Variants in HEMK2 observed in about 807,000 individuals in gnomAD.
HEMK2 encodes the protein methyltransferase HEMK2.
chr21:28,644,885 G>A, the HEMK2 span, among the ~76,000 whole-genome samples: 1 of 152,180 alleles, frequency 6.6e-6, no homozygotes, highest in Non-Finnish European at 1.5e-5. Context: ...TCTGATGAGA[G>A]ATTGGCATTT....
chr21:28,733,139 C>T, the HEMK2 span, among the ~76,000 whole-genome samples: 8 of 152,124 alleles, frequency 5.3e-5, no homozygotes, highest in East Asian at 1.4e-3. Flanking sequence ...ATTAGCCGGG[C>T]GTGGTGGTGG....
chr21:28,693,674 G>A, the HEMK2 span, among the ~76,000 whole-genome samples: 1 of 152,152 alleles, frequency 6.6e-6, no homozygotes, highest in South Asian at 2.1e-4. Context: ...GAACATGCAG[G>A]AAAGCATGCT....
chr21:28,772,562 AATAAGTT>A, the HEMK2 span, among the ~76,000 whole-genome samples: 1 of 152,210 alleles, frequency 6.6e-6, no homozygotes, highest in Non-Finnish European at 1.5e-5. Context: ...AAAAATATGG[AATAAGTT>A]ATAAGTATTG....
At chr21:28,755,303 A>G in the HEMK2 span, among the ~76,000 whole-genome samples, 1 of 152,194 alleles carries the variant, frequency 6.6e-6, no homozygotes. Flanking sequence ...GCAAGGCTTA[A>G]TCCTCATTTG....
chr21:28,617,732 G>T, the HEMK2 span, among the ~76,000 whole-genome samples: 1 of 149,566 alleles, frequency 6.7e-6, no homozygotes, highest in South Asian at 2.1e-4. Flanking sequence ...CCTGGAAACA[G>T]CAAAATAAGA....
chr21:28,678,155 A>G, the HEMK2 span, among the ~76,000 whole-genome samples: 1 of 152,194 alleles, frequency 6.6e-6, no homozygotes, highest in Non-Finnish European at 1.5e-5. Context: ...GAAAAAAATT[A>G]GACAAATGGC....
the HEMK2 span, among the ~76,000 whole-genome samples, chr21:28,639,216 A>G: frequency 6.6e-6 from 1 of 152,246 alleles, no homozygotes; most frequent in Non-Finnish European, 1.5e-5. Context: ...AAGATGAGAA[A>G]GAAGAAATCT....
chr21:28,856,788 C>A, the HEMK2 span, among the ~76,000 whole-genome samples: 1 of 152,214 alleles, frequency 6.6e-6, no homozygotes, highest in Non-Finnish European at 1.5e-5. Flanking sequence ...ATGCAACCTG[C>A]GTATCAGGAG....
the HEMK2 span, among the ~76,000 whole-genome samples, chr21:28,837,256 A>C: frequency 0.011 from 1,650 of 152,324 alleles, 13 homozygotes; most frequent in Non-Finnish European, 0.014. Flanking sequence ...CTATTCAACA[A>C]CACATAGAAC....
chr21:28,585,494 T>C, the HEMK2 span, among the ~76,000 whole-genome samples: 14 of 151,836 alleles, frequency 9.2e-5, no homozygotes, highest in Non-Finnish European at 1.6e-4. Flanking sequence ...TTAACATGTG[T>C]AAGGAAATCA....
At chr21:28,762,237 A>G in the HEMK2 span, among the ~76,000 whole-genome samples, 1 of 151,746 alleles carries the variant, frequency 6.6e-6, no homozygotes, top group Non-Finnish European at 1.5e-5. Flanking sequence ...TATTGGCCCA[A>G]GTTACCCACA....
chr21:28,636,302 C>T, the HEMK2 span, among the ~76,000 whole-genome samples: 1 of 152,114 alleles, frequency 6.6e-6, no homozygotes, highest in Admixed American at 6.5e-5. Flanking sequence ...TGCAGCTTTC[C>T]GCACATGGCC....
the HEMK2 span, among the ~76,000 whole-genome samples, chr21:28,829,672 T>C: frequency 6.6e-6 from 1 of 152,182 alleles, no homozygotes; most frequent in Non-Finnish European, 1.5e-5. Flanking sequence ...CTGCAGCAAT[T>C]CTTTTTAAGA....
the HEMK2 span, among the ~76,000 whole-genome samples, chr21:28,835,597 A>G: frequency 7.2e-5 from 11 of 152,078 alleles, no homozygotes; most frequent in Non-Finnish European, 2.9e-5. Flanking sequence ...ACCCCCAAAA[A>G]ACCACATTAG....
the HEMK2 span, among the ~76,000 whole-genome samples, chr21:28,831,526 G>A: frequency 0.022 from 771 of 34,398 alleles, 10 homozygotes; most frequent in Middle Eastern, 0.042. Context: ...AAAGAAAGAA[G>A]GAAAGAAGGA....
the HEMK2 span, among the ~76,000 whole-genome samples, chr21:28,629,466 G>A: frequency 2.0e-5 from 3 of 152,198 alleles, no homozygotes; most frequent in Non-Finnish European, 4.4e-5. Flanking sequence ...TAGCCAGAAT[G>A]TGCACTTCCA....
At chr21:28,659,415 G>C in the HEMK2 span, among the ~76,000 whole-genome samples, 5 of 151,998 alleles carry the variant, frequency 3.3e-5, no homozygotes, top group Non-Finnish European at 5.9e-5. Context: ...AACCATTTTA[G>C]CAGCATTTGC....
the HEMK2 span, among the ~76,000 whole-genome samples, chr21:28,832,756 T>A: frequency 6.6e-6 from 1 of 152,220 alleles, no homozygotes; most frequent in Non-Finnish European, 1.5e-5. Context: ...AGTGTTGCCC[T>A]ACATACAGAC....
the HEMK2 span, among the ~76,000 whole-genome samples, chr21:28,775,031 A>G: frequency 6.6e-6 from 1 of 152,238 alleles, no homozygotes; most frequent in Non-Finnish European, 1.5e-5. Context: ...AATTTACAGT[A>G]TAAGGAAGGA....
Sources: allele counts gnomAD v4.1 joint callset (sites outside exome capture counted in the v4.1 genomes callset), GRCh38; gene constraint gnomAD v4.1.1; transcripts MANE v1.5; gene names NCBI Gene and HGNC (gene_info 2026-07-23, HGNC 2026-07-21).